STXBP5L: variants seen among roughly 807,000 people sequenced by gnomAD.
STXBP5L encodes the protein syntaxin binding protein 5L, also known as syntaxin-binding protein 5-like.
STXBP5L carries 65 observed loss-of-function variants against 144.5 expected under a neutral mutation model. The observed-to-expected ratio is 0.45, with a 90% CI of 0.37 to 0.55. The LOEUF is 0.55. Among genes scored for constraint, STXBP5L ranks in the 20% least tolerant of loss-of-function variants. The probability of loss-of-function intolerance (pLI) is 0.00; values close to 1 mark genes in which losing one functional copy is unlikely to be tolerated. For missense variants in STXBP5L, 1,298 were observed against 1,405.5 expected (o/e 0.92, Z 1.22); for synonymous variants, 505 against 469.6 (o/e 1.08, Z -0.97).
At chr3:121,390,969 G>A (rs1440921923) in intron 22 of STXBP5L, among the ~76,000 whole-genome samples, 2 of 152,128 alleles carry the variant, frequency 1.3e-5, no homozygotes, top group Non-Finnish European at 2.9e-5. Flanking sequence ...ATAATACCCT[G>A]AAGAGTGTTT....
chr3:121,343,627 A>G (rs1468033938), intron 20 of STXBP5L, among the ~76,000 whole-genome samples: 1 of 152,158 alleles, frequency 6.6e-6, no homozygotes, highest in Non-Finnish European at 1.5e-5. Context: ...CAGCCAAATC[A>G]TGAGTGAACA....
chr3:120,920,613 ATATATTTGTACCCATTAATCAACT>A (rs1709316362), intron 2 of STXBP5L, among the ~76,000 whole-genome samples: 1 of 151,734 alleles, frequency 6.6e-6, no homozygotes, highest in Non-Finnish European at 1.5e-5. Context: ...TTCAAAATAT[ATATATTTGTACCCATTAATCAACT>A]TGTCTTCATT....
intron 5 of STXBP5L, among the ~76,000 whole-genome samples, chr3:121,055,785 G>C (rs999516078): frequency 6.6e-6 from 1 of 151,766 alleles, no homozygotes; most frequent in South Asian, 2.1e-4. Context: ...ACACAACCTT[G>C]AATTCCTGGG....
intron 3 of STXBP5L, among the ~76,000 whole-genome samples, chr3:120,963,893 G>T (rs77547172): frequency 6.6e-6 from 1 of 151,966 alleles, no homozygotes; most frequent in African/African-American, 2.4e-5. Context: ...CTTTGAATCC[G>T]TCTGGTCCTG....
At chr3:121,065,212 A>G (rs2041484445) in intron 5 of STXBP5L, among the ~76,000 whole-genome samples, 2 of 152,170 alleles carry the variant, frequency 1.3e-5, no homozygotes, top group South Asian at 4.1e-4. Flanking sequence ...ATGAGGGCAG[A>G]TGACATTTTG....
chr3:121,045,542 A>G lies in STXBP5L; in HGVS notation c.470+7A>G, dbSNP rs760435950. 1.8e-5 allele frequency: 29 copies of G among 1,599,280 alleles called. No homozygotes were observed. Among genetic ancestry groups the G allele is most frequent in the Non-Finnish European group, 2.4e-5 (28 of 1,175,364 alleles). On this transcript the variant is annotated splice_region_variant and intron_variant, in intron 5 of 26. Transcript: ENST00000471454. ...TTAAATTTAACCGGGAACGGTAAGA[A>G]CCTATGAATTAAACAATTTCTTAAT...
In STXBP5L at chr3:121,378,781, A is replaced by T; in HGVS notation, c.2242A>T (p.Ser748Cys). The T allele has an allele frequency of 6.2e-7, 1 of 1,613,750 alleles. No homozygotes were observed. Among genetic ancestry groups the T allele is most frequent in the Non-Finnish European group, 8.5e-7 (1 of 1,179,826 alleles). Residue 748 changes from serine to cysteine, a missense_variant, in exon 21 of 27, where the codon AGT becomes TGT. Physicochemically the swap from Ser to Cys is moderately radical, Grantham distance 112. Coordinates refer to ENST00000471454, the MANE Select transcript of STXBP5L (RefSeq NM_001308330.2). ...QSCSSGKRLS[S>C]ADVSKVNRWG... is the part of the protein sequence containing the mutation. Reference sequence around the variant, plus strand: ...TTGCAGTTCTGGAAAACGTCTTTCTAGTGCCGATGTTTCAAAAGTAAATCG... The same window carrying T: ...TTGCAGTTCTGGAAAACGTCTTTCTTGTGCCGATGTTTCAAAAGTAAATCG...
chr3:120,930,384 G>A (rs961014246), intron 2 of STXBP5L, among the ~76,000 whole-genome samples: 1 of 151,492 alleles, frequency 6.6e-6, no homozygotes, highest in African/African-American at 2.4e-5. Context: ...GATGTGTTTT[G>A]GCTGTGTTTT....
chr3:121,342,419 C>T, intron 20 of STXBP5L, among the ~76,000 whole-genome samples: 1 of 151,786 alleles, frequency 6.6e-6, no homozygotes, highest in Non-Finnish European at 1.5e-5. Context: ...CATATGTATA[C>T]ATGTGCCATG....
intron 20 of STXBP5L, among the ~76,000 whole-genome samples, chr3:121,319,249 C>G (rs1274666533): frequency 6.6e-6 from 1 of 152,022 alleles, no homozygotes; most frequent in Admixed American, 6.5e-5. Flanking sequence ...TATGTCTTTA[C>G]TGAATGATAG....
At chr3:121,312,645 A>G (rs2043581633) in intron 19 of STXBP5L, among the ~76,000 whole-genome samples, 1 of 150,760 alleles carries the variant, frequency 6.6e-6, no homozygotes, top group Non-Finnish European at 1.5e-5. Context: ...CTTAAAGATT[A>G]GGGAGTGGTG....
intron 3 of STXBP5L, among the ~76,000 whole-genome samples, chr3:121,036,336 A>G (rs1204134180): frequency 2.0e-5 from 3 of 152,150 alleles, no homozygotes; most frequent in Non-Finnish European, 4.4e-5. Flanking sequence ...TCCATCTTAA[A>G]AAAAATTGAT....
chr3:121,212,332 G>T (rs367839769), intron 10 of STXBP5L, among the ~76,000 whole-genome samples: 65 of 152,106 alleles, frequency 4.3e-4, no homozygotes, highest in Middle Eastern at 3.4e-3. Context: ...TTCTTCTAGG[G>T]TTTTATGGTT....
intron 22 of STXBP5L, among the ~76,000 whole-genome samples, chr3:121,393,269 A>G (rs902534880): frequency 6.6e-6 from 1 of 151,212 alleles, no homozygotes; most frequent in Non-Finnish European, 1.5e-5. Context: ...TCACTTTTTA[A>G]TGGGGTTATT....
At chr3:121,044,256 A>G (rs929910802) in intron 4 of STXBP5L, among the ~76,000 whole-genome samples, 14 of 152,138 alleles carry the variant, frequency 9.2e-5, no homozygotes, top group Non-Finnish European at 1.6e-4. Flanking sequence ...TTCTATTTTT[A>G]TAAAGCCATT....
intron 5 of STXBP5L, among the ~76,000 whole-genome samples, chr3:121,066,214 A>G (rs912650388): frequency 6.6e-6 from 1 of 152,158 alleles, no homozygotes; most frequent in Non-Finnish European, 1.5e-5. Context: ...TAAAATGGAA[A>G]AGAACAGTGG....
chr3:121,342,000 T>C (rs1367300109), intron 20 of STXBP5L, among the ~76,000 whole-genome samples: 1 of 152,172 alleles, frequency 6.6e-6, no homozygotes, highest in Non-Finnish European at 1.5e-5. Flanking sequence ...AATTGGACTT[T>C]TTGTAACACA....
chr3:121,054,207 GAAATACC>G (rs1048108687), intron 5 of STXBP5L, among the ~76,000 whole-genome samples: 37 of 152,120 alleles, frequency 2.4e-4, no homozygotes, highest in African/African-American at 8.9e-4. Context: ...TCTAGAACTA[GAAATACC>G]ATTTGACCCA....
intron 3 of STXBP5L, among the ~76,000 whole-genome samples, chr3:121,005,452 A>T (rs955002792): frequency 1.3e-5 from 2 of 151,756 alleles, no homozygotes; most frequent in Non-Finnish European, 2.9e-5. Context: ...TTTCTTCTTT[A>T]TTAGTCATGC....
Sources: gnomAD v4.1 joint callset for allele counts (sites outside exome capture counted in the v4.1 genomes callset) on GRCh38, gnomAD v4.1.1 for gene constraint, MANE v1.5 for transcripts, NCBI Gene and HGNC (gene_info 2026-07-23, HGNC 2026-07-21) for gene names.